CLCA1: variants seen among roughly 807,000 people sequenced by gnomAD.
CLCA1 encodes chloride channel accessory 1.
A neutral mutation model predicts 85.6 loss-of-function variants in CLCA1; 59 were observed. The observed-to-expected ratio is 0.69, with a 90% CI of 0.56 to 0.86. CLCA1 has a LOEUF of 0.86. CLCA1 is among the 40% of genes least tolerant of loss of function. The probability of loss-of-function intolerance (pLI) is 0.00; values close to 1 mark genes in which losing one functional copy is unlikely to be tolerated. For missense variants in CLCA1, 1,022 were observed against 1,101.4 expected, an observed-to-expected ratio of 0.93 and a Z score of 1.02; for synonymous variants, 396 against 398.3, an observed-to-expected ratio of 0.99 and a Z score of 0.07.
chr1:86,480,333 A>G (rs1647783644), intron 4 of CLCA1, among the ~76,000 whole-genome samples: 2 of 152,220 alleles, frequency 1.3e-5, no homozygotes, highest in African/African-American at 4.8e-5. Context: ...TTGAAAAATC[A>G]GTAAAACAGT....
Position 86,473,428 on chromosome 1 carries a change from C to T in CLCA1, c.174C>T (p.Thr58=), listed in dbSNP as rs1464343962. The T allele has an allele frequency of 1.3e-6, 2 of 1,575,234 alleles. No homozygotes were observed. The highest frequency in any genetic ancestry group is 2.2e-5 in the East Asian group (1 of 44,458). ...TLIQQIKDMV[T]QASLYLLEAT... ...CTTTTTCTTCCCAGGACATGGTGAC[C>T]CAGGCATCTCTGTATCTGCTTGAAG... Residue 58 remains threonine, a synonymous_variant, in exon 2 of 14, where the codon ACC becomes ACT. Coordinates refer to ENST00000394711, the MANE Select transcript of CLCA1 (RefSeq NM_001285.4).
intron 7 of CLCA1, 113 bp from the exon 8 acceptor site, chr1:86,488,883 C>A: frequency 2.6e-6 from 2 of 778,762 alleles, no homozygotes; most frequent in Non-Finnish European, 2.1e-6. Context: ...CATTCCCAGA[C>A]AATTTTGGTT....
At chr1:86,489,808 G>T (rs574829826) in intron 8 of CLCA1, among the ~76,000 whole-genome samples, 4 of 152,124 alleles carry the variant, frequency 2.6e-5, no homozygotes, top group Non-Finnish European at 5.9e-5. Context: ...TTAACTTAGG[G>T]ATAATATTGT....
Position 86,494,207 on chromosome 1 carries a change from T to G in CLCA1, c.1701T>G (p.Ser567Arg). The G allele has an allele frequency of 1.2e-6, 2 of 1,614,228 alleles. No homozygotes were observed. The highest frequency in any genetic ancestry group is 1.7e-6 in the Non-Finnish European group (2 of 1,180,034). ...GTCAGGTTGGCACTTGGAAATACAG[T>G]CTGCAAGCAAGCTCACAAACCTTGA... ...GIAKVGTWKY[S>R]LQASSQTLTL... The change falls in exon 11 of 14, where the codon AGT becomes AGG. Residue 567 changes from serine (S) to arginine (R), a missense_variant. Ser to Arg is a moderately radical substitution (Grantham distance 110, BLOSUM62 -1). Coordinates refer to ENST00000394711, the MANE Select transcript of CLCA1 (RefSeq NM_001285.4).
chr1:86,496,800 G>T (rs1452102213), intron 12 of CLCA1, among the ~76,000 whole-genome samples: 1 of 152,154 alleles, frequency 6.6e-6, no homozygotes, highest in African/African-American at 2.4e-5. Flanking sequence ...CACAATCTCA[G>T]CTCACTGCAA....
At chr1:86,492,752 G>A (rs1648169971) in intron 9 of CLCA1, among the ~76,000 whole-genome samples, 3 of 152,134 alleles carry the variant, frequency 2.0e-5, no homozygotes, top group South Asian at 4.1e-4. Flanking sequence ...TCTCCACAGG[G>A]CCTGCAATAC....
chr1:86,493,692 C>A, intron 10 of CLCA1, 93 bp downstream of exon 10: 1 of 962,816 alleles, frequency 1.0e-6, no homozygotes, highest in Non-Finnish European at 1.6e-6. Context: ...TTGGTGGTTG[C>A]TAAAAGGAGA....
chr1:86,498,799 G>A lies in CLCA1; in HGVS notation c.2341G>A (p.Asp781Asn), dbSNP rs1427820959. ...TTGGACAGCTCCTGGGGATGATTAT[G>A]ACCATGGAACAGGTAAGCTGAACCT... is the stretch of plus-strand genomic sequence containing the variant. ...LTWTAPGDDY[D>N]HGTAHKYIIR... The change falls in exon 13 of 14, where the codon GAC becomes AAC. Residue 781 changes from aspartate to asparagine, a missense_variant. By Grantham distance (23) the Asp-to-Asn change is conservative (BLOSUM62 1). Transcript: ENST00000394711. The A allele has an allele frequency of 6.2e-7, 1 of 1,613,860 alleles. No homozygotes were observed. The highest frequency in any genetic ancestry group is 8.5e-7 in the Non-Finnish European group (1 of 1,179,892).
chr1:86,490,548 C>T (rs539389358), intron 8 of CLCA1, among the ~76,000 whole-genome samples: 13 of 152,206 alleles, frequency 8.5e-5, no homozygotes, highest in African/African-American at 2.9e-4. Context: ...TCTAAAGCCA[C>T]GTTTGTTGGA....
In CLCA1 at chr1:86,495,654, A is replaced by G. The variant is rs748883926; in HGVS notation, c.2092A>G (p.Ile698Val). ...VIPQQSGALY[I>V]PGWIENDEIQ... Reference sequence around the variant, plus strand: ...ACCCCAGCAGAGTGGAGCACTGTACATACCTGGCTGGATTGAGAATGGTAA... The same window carrying G: ...ACCCCAGCAGAGTGGAGCACTGTACGTACCTGGCTGGATTGAGAATGGTAA... The change falls in exon 12 of 14, where the codon ATA (isoleucine) becomes GTA (valine). Residue 698 changes from isoleucine (I) to valine (V), a missense_variant. Ile to Val is a conservative substitution (Grantham distance 29, BLOSUM62 3). Transcript: ENST00000394711. 1.9e-5 allele frequency: 30 copies of G among 1,610,168 alleles called. No individual in the cohort carries two copies. Among genetic ancestry groups the G allele is most frequent in the Non-Finnish European group, 2.5e-5 (30 of 1,178,690 alleles).
intron 1 of CLCA1, 126 bp from the exon 2 acceptor site, chr1:86,473,291 A>G: frequency 1.6e-6 from 1 of 630,658 alleles, no homozygotes; most frequent in Non-Finnish European, 2.7e-6. Context: ...GTATTTCTAT[A>G]TTTCTTCTTC....
intron 1 of CLCA1, among the ~76,000 whole-genome samples, chr1:86,469,909 A>G (rs1357291370): frequency 6.6e-6 from 1 of 152,194 alleles, no homozygotes; most frequent in Admixed American, 6.5e-5. Context: ...TTTTGTGAGG[A>G]TCAAAGTTTA....
At chr1:86,484,417 T>C (rs1380486786) in intron 5 of CLCA1, among the ~76,000 whole-genome samples, 2 of 152,114 alleles carry the variant, frequency 1.3e-5, no homozygotes, top group Non-Finnish European at 1.5e-5. Context: ...ACTGACAGGC[T>C]ATAGTGGGGT....
chr1:86,479,864 A>C (rs199541117), intron 4 of CLCA1, among the ~76,000 whole-genome samples: 3 of 152,086 alleles, frequency 2.0e-5, no homozygotes, highest in Non-Finnish European at 4.4e-5. Flanking sequence ...CAGCCTGGGC[A>C]ACAGAGTGAG....
At position 86,473,756 on chromosome 1, in the gene CLCA1, C is replaced by T; in HGVS notation, c.331C>T (p.Pro111Ser). The T allele has an allele frequency of 1.9e-6, 3 of 1,594,646 alleles. No individual in the cohort carries two copies. The highest frequency in any genetic ancestry group is 2.6e-6 in the Non-Finnish European group (3 of 1,171,118). Residue 111 changes from proline (P) to serine (S), a missense_variant, in exon 3 of 14, where the codon CCT becomes TCT. Coordinates refer to ENST00000394711, the MANE Select transcript of CLCA1 (RefSeq NM_001285.4). ...NADVLVAESTPPGNDEPYTEQ... is the reference protein window; with the variant it reads ...NADVLVAESTSPGNDEPYTEQ... ...TGATGTTCTGGTTGCTGAGTCTACT[C>T]CTCCAGGTAATGATGAACCCTACAC...
Position 86,477,871 on chromosome 1 carries a change from T to C in CLCA1, c.557+1318T>C, listed in dbSNP as rs184021445. On this transcript the variant is annotated intron_variant, in intron 4 of 13. Coordinates refer to ENST00000394711, the MANE Select transcript of CLCA1 (RefSeq NM_001285.4). ...ACAACACCATCTTTTTAAGTAGAAG[T>C]TGGTACAACACCCTCTCCATGTCTG... Among the ~76,000 whole-genome samples the C allele has an allele frequency of 1.1e-3, 167 of 152,234 alleles. 1 individual carries two copies. The highest frequency in any genetic ancestry group is 3.9e-3 in the African/African-American group (160 of 41,460).
chr1:86,478,056 T>A (rs1234284716), intron 4 of CLCA1, among the ~76,000 whole-genome samples: 1 of 152,196 alleles, frequency 6.6e-6, no homozygotes, highest in African/African-American at 2.4e-5. Context: ...TTTCTCTTTC[T>A]TTATAACAGT....
chr1:86,493,345 C>G (rs780510929), intron 9 of CLCA1, 39 bp from the exon 10 acceptor site: 2 of 1,496,304 alleles, frequency 1.3e-6, no homozygotes, highest in Non-Finnish European at 9.3e-7. Flanking sequence ...GTGATGGGAG[C>G]TGTATTCTCC....
intron 5 of CLCA1, among the ~76,000 whole-genome samples, chr1:86,484,947 T>G (rs1234762162): frequency 6.6e-6 from 1 of 151,892 alleles, no homozygotes; most frequent in African/African-American, 2.4e-5. Flanking sequence ...GAGTTGAAGG[T>G]TAGAATATAG....
Sources: allele counts gnomAD v4.1 joint callset (sites outside exome capture counted in the v4.1 genomes callset), GRCh38; gene constraint gnomAD v4.1.1; transcripts MANE v1.5; gene names NCBI Gene and HGNC (gene_info 2026-07-23, HGNC 2026-07-21).